Variants in VPS13B observed in about 807,000 individuals in gnomAD.
VPS13B encodes the protein intermembrane lipid transfer protein VPS13B.
A neutral mutation model predicts 426.4 loss-of-function variants in VPS13B; 285 were observed. The ratio of observed to expected loss-of-function variants is 0.67; its 90% CI spans 0.61 to 0.74. The LOEUF (loss-of-function observed/expected upper bound fraction) is 0.74. VPS13B is among the 30% of genes least tolerant of loss of function. The probability of loss-of-function intolerance (pLI) is 0.00; values close to 1 mark genes in which losing one functional copy is unlikely to be tolerated. For missense variants in VPS13B, 4,537 were observed against 4,782.6 expected (o/e 0.95, Z 1.51); for synonymous variants, 1,676 against 1,676.4 (o/e 1.00, Z 0.01).
At chr8:99,508,253 AT>A (rs1041172439) in intron 28 of VPS13B, among the ~76,000 whole-genome samples, 5 of 151,922 alleles carry the variant, frequency 3.3e-5, no homozygotes, top group African/African-American at 1.2e-4. Context: ...GCCTTTAAAA[AT>A]TTTTTTTCTA....
At chr8:99,063,280 G>A (rs369075669) in intron 3 of VPS13B, among the ~76,000 whole-genome samples, 1 of 152,338 alleles carries the variant, frequency 6.6e-6, no homozygotes, top group East Asian at 1.9e-4. Flanking sequence ...GCCTCACCCG[G>A]GAAGTGCAAG....
At chr8:99,845,648 C>T (rs1164074502) in intron 54 of VPS13B, among the ~76,000 whole-genome samples, 3 of 152,298 alleles carry the variant, frequency 2.0e-5, no homozygotes, top group South Asian at 2.1e-4. Context: ...CGCATAGCCA[C>T]GCCCAATGTC....
intron 21 of VPS13B, among the ~76,000 whole-genome samples, chr8:99,402,473 A>G (rs1403764735): frequency 1.3e-5 from 2 of 152,144 alleles, no homozygotes; most frequent in South Asian, 2.1e-4. Context: ...GTCCCTTCCT[A>G]TCTTAAGATG....
intron 24 of VPS13B, among the ~76,000 whole-genome samples, chr8:99,468,353 A>C (rs1316561452): frequency 1.3e-5 from 2 of 152,164 alleles, no homozygotes; most frequent in Non-Finnish European, 2.9e-5. Flanking sequence ...GTGCAAACCC[A>C]GGTGATGTGA....
At chr8:99,081,759 A>G (rs535440086) in intron 3 of VPS13B, among the ~76,000 whole-genome samples, 3 of 151,892 alleles carry the variant, frequency 2.0e-5, no homozygotes, top group East Asian at 3.9e-4. Context: ...ATGGTTTCCA[A>G]CTTCATCCAT....
At chr8:99,854,301 A>G (rs1816442297) in intron 56 of VPS13B, 45 bp downstream of exon 56, 1 of 1,593,154 alleles carries the variant, frequency 6.3e-7, no homozygotes, top group Non-Finnish European at 8.5e-7. Flanking sequence ...GAGCCCGGGT[A>G]GAAATGACAC....
chr8:99,668,638 A>G (rs1830581637), intron 35 of VPS13B, among the ~76,000 whole-genome samples: 1 of 152,092 alleles, frequency 6.6e-6, no homozygotes, highest in African/African-American at 2.4e-5. Context: ...CAACTTCTAC[A>G]TCAAAAACTC....
At chr8:99,507,961 C>T in intron 28 of VPS13B, 1 of 1,612,564 alleles carries the variant, frequency 6.2e-7, no homozygotes, top group East Asian at 2.2e-5. Flanking sequence ...AACAGGAACC[C>T]AGAGAAGGAA....
intron 17 of VPS13B, among the ~76,000 whole-genome samples, chr8:99,249,273 C>G (rs1421073333): frequency 2.6e-5 from 4 of 152,074 alleles, no homozygotes; most frequent in Non-Finnish European, 4.4e-5. Flanking sequence ...AATCATTTAT[C>G]TGTTGAAGGA....
intron 29 of VPS13B, among the ~76,000 whole-genome samples, chr8:99,514,835 G>A (rs937188235): frequency 6.6e-6 from 1 of 152,086 alleles, no homozygotes; most frequent in Non-Finnish European, 1.5e-5. Context: ...TGGTAATTCT[G>A]TTTGGAATTC....
At chr8:99,860,252 T>C (rs1440175366) in intron 57 of VPS13B, among the ~76,000 whole-genome samples, 2 of 152,098 alleles carry the variant, frequency 1.3e-5, no homozygotes, top group Non-Finnish European at 2.9e-5. Context: ...GAATCCATGA[T>C]CCATAGAGCG....
chr8:99,466,118 T>G (rs766734868), intron 23 of VPS13B, among the ~76,000 whole-genome samples: 1 of 152,146 alleles, frequency 6.6e-6, no homozygotes, highest in Admixed American at 6.6e-5. Context: ...AGACCATGAG[T>G]GCAGTGTGAT....
Position 99,111,357 on chromosome 8 carries a change from T to C in VPS13B, c.762+78T>C, listed in dbSNP as rs189359714. On this transcript the variant is annotated intron_variant, in intron 6 of 61. Transcript: ENST00000357162. Reference sequence around the variant, plus strand: ...GACTCTTGTGGATGCTAATCATTATTAACAAATGAAGAAATTAACCTTGTA... The same window carrying C: ...GACTCTTGTGGATGCTAATCATTATCAACAAATGAAGAAATTAACCTTGTA... The C allele has an allele frequency of 1.8e-4, 223 of 1,218,236 alleles. 2 individuals are homozygous for C. In the East Asian group the frequency reaches 3.5e-3, roughly 19 times the overall value. 75.5% of individuals were successfully genotyped at this position (1,218,236 alleles called of 1,614,324 possible). A position where few individuals can be genotyped will look rare whatever the true frequency, so the allele number is the denominator to read the frequency against.
chr8:99,560,112 AG>A (rs901067003), intron 31 of VPS13B, among the ~76,000 whole-genome samples: 7 of 152,122 alleles, frequency 4.6e-5, no homozygotes, highest in African/African-American at 7.2e-5. Flanking sequence ...CTCCTTAAAG[AG>A]GTCCTTCCCA....
rs148100066 is a variant in VPS13B at position 99,318,390 on chromosome 8, T to G, written c.2824+43136T>G. On this transcript the variant is annotated intron_variant, in intron 19 of 61. Coordinates refer to ENST00000357162, the MANE Select transcript of VPS13B (RefSeq NM_152564.5). Reference sequence around the variant, plus strand: ...ATAGCCTCTTTATGGTACTTCCAGTTTATCTATTCCTGTCCTGTATGGTAG... The same window carrying G: ...ATAGCCTCTTTATGGTACTTCCAGTGTATCTATTCCTGTCCTGTATGGTAG... Among the ~76,000 whole-genome samples the G allele has an allele frequency of 6.1e-3, 924 of 152,038 alleles. 12 individuals carry two copies. Among genetic ancestry groups the G allele is most frequent in the African/African-American group, 0.021 (879 of 41,302 alleles).
At chr8:99,573,604 G>A (rs1286936414) in intron 31 of VPS13B, among the ~76,000 whole-genome samples, 1 of 152,144 alleles carries the variant, frequency 6.6e-6, no homozygotes, top group African/African-American at 2.4e-5. Flanking sequence ...AAGATCAGAT[G>A]GTTGTAGATA....
At chr8:99,867,723 A>G (rs1053799092) in intron 58 of VPS13B, among the ~76,000 whole-genome samples, 9 of 152,246 alleles carry the variant, frequency 5.9e-5, no homozygotes, top group African/African-American at 1.7e-4. Context: ...TAAAGCTCTT[A>G]GCACAGTCCC....
intron 24 of VPS13B, among the ~76,000 whole-genome samples, chr8:99,470,057 C>T (rs1819321251): frequency 6.6e-6 from 1 of 152,154 alleles, no homozygotes; most frequent in African/African-American, 2.4e-5. Flanking sequence ...CTGTAGCCTC[C>T]AAGAACTTTG....
At chr8:99,250,083 CATTGTG>C (rs1817425949) in intron 17 of VPS13B, among the ~76,000 whole-genome samples, 1 of 152,094 alleles carries the variant, frequency 6.6e-6, no homozygotes, top group South Asian at 2.1e-4. Flanking sequence ...AGTGATATCT[CATTGTG>C]ATTATAATTT....
Sources: allele counts gnomAD v4.1 joint callset (sites outside exome capture counted in the v4.1 genomes callset), GRCh38; gene constraint gnomAD v4.1.1; transcripts MANE v1.5; gene names NCBI Gene and HGNC (gene_info 2026-07-23, HGNC 2026-07-21).